HS3ST5: variants seen among roughly 807,000 people sequenced by gnomAD.
The protein encoded by HS3ST5 is heparan sulfate-glucosamine 3-sulfotransferase 5, also known as heparan sulfate glucosamine 3-O-sulfotransferase 5.
Under a neutral mutation model 25.4 loss-of-function variants are expected in HS3ST5, and 10 were observed. The observed-to-expected ratio is 0.39, with a 90% confidence interval of 0.24 to 0.67. HS3ST5 has a LOEUF of 0.67. HS3ST5 is among the 30% of genes least tolerant of loss of function. The pLI is 0.44. For missense variants in HS3ST5, 324 were observed against 420.7 expected (o/e 0.77, Z 2.01); for synonymous variants, 170 against 162.4 (o/e 1.05, Z -0.36).
intron 3 of HS3ST5, among the ~76,000 whole-genome samples, chr6:114,129,274 G>C (rs1275798334): frequency 1.7e-4 from 4 of 23,378 alleles, no homozygotes; most frequent in African/African-American, 5.4e-4. Context: ...TTTTTTTTTT[G>C]AGACGGAGTC....
At chr6:114,294,696 G>A (rs112370305) in intron 1 of HS3ST5, among the ~76,000 whole-genome samples, 4 of 152,232 alleles carry the variant, frequency 2.6e-5, no homozygotes, top group African/African-American at 9.6e-5. Flanking sequence ...GCCTCCCAAA[G>A]TGCTGGGATT....
intron 2 of HS3ST5, among the ~76,000 whole-genome samples, chr6:114,217,373 T>C (rs1381875398): frequency 1.3e-5 from 2 of 152,240 alleles, no homozygotes; most frequent in Non-Finnish European, 2.9e-5. Flanking sequence ...CAATCTCACT[T>C]GAATATTTTC....
intron 3 of HS3ST5, among the ~76,000 whole-genome samples, chr6:114,098,560 T>A (rs12663844): frequency 0.27 from 39,671 of 148,042 alleles, 6,276 homozygotes; most frequent in Admixed American, 0.39. Context: ...TAATATTAAA[T>A]TATATATTTG....
At chr6:114,215,774 C>T (rs1407143957) in intron 2 of HS3ST5, among the ~76,000 whole-genome samples, 2 of 152,170 alleles carry the variant, frequency 1.3e-5, no homozygotes, top group African/African-American at 2.4e-5. Context: ...TCTCAAATCA[C>T]TATGATATCT....
chr6:114,120,076 CA>C lies in HS3ST5; in HGVS notation c.-33+48274del, dbSNP rs1299303043. On this transcript the variant is annotated intron_variant, in intron 3 of 4. Coordinates refer to ENST00000312719, the MANE Select transcript of HS3ST5 (RefSeq NM_153612.4). ...AGGAGAATCACTTGAACCTGGGAGG[CA>C]GAGGTTGTAGTGAGCCGAGATCGTG... 2.8e-4 allele frequency among the ~76,000 whole-genome samples: 42 copies of C among 152,162 alleles called. No individual in the cohort carries two copies. The Middle Eastern group carries it at 0.01, about 37-fold the overall frequency.
At chr6:114,070,956 C>T (rs1208756815) in intron 3 of HS3ST5, among the ~76,000 whole-genome samples, 2 of 152,186 alleles carry the variant, frequency 1.3e-5, no homozygotes, top group African/African-American at 2.4e-5. Context: ...CCTACTGATG[C>T]CAGAGTAATC....
chr6:114,125,453 A>G (rs1353930337), intron 3 of HS3ST5, among the ~76,000 whole-genome samples: 1 of 152,250 alleles, frequency 6.6e-6, no homozygotes, highest in Non-Finnish European at 1.5e-5. Flanking sequence ...GAGTCATTGA[A>G]TTCTAGTAAA....
At position 114,342,477 on chromosome 6, in the gene HS3ST5, G is replaced by T. The variant is rs916811342; in HGVS notation, c.-621C>A. ...TCTGAGGCGGGGAGCCGGGCGGGGG[G>T]GCAGGCGGGCGAGAAGTAGTGGAGT... On this transcript the variant is annotated 5_prime_UTR_variant, in exon 1 of 5. Coordinates refer to ENST00000312719, the MANE Select transcript of HS3ST5 (RefSeq NM_153612.4). 3.3e-5 allele frequency: 6 copies of T among 180,570 alleles called. No individual in the cohort carries two copies. The highest frequency in any genetic ancestry group is 6.7e-5 in the Non-Finnish European group (6 of 90,100). 11.2% of individuals were successfully genotyped at this position (180,570 alleles called of 1,614,324 possible).
chr6:114,066,666 A>C (rs1773469209), intron 3 of HS3ST5, among the ~76,000 whole-genome samples: 1 of 152,176 alleles, frequency 6.6e-6, no homozygotes, highest in African/African-American at 2.4e-5. Flanking sequence ...AAACAACAAA[A>C]AAATTAGAAT....
Position 114,142,512 on chromosome 6 carries a change from G to A in HS3ST5, c.-33+25839C>T, listed in dbSNP as rs888306727. On this transcript the variant is annotated intron_variant, in intron 3 of 4. Coordinates refer to ENST00000312719, the MANE Select transcript of HS3ST5 (RefSeq NM_153612.4). ...GAGGGAGCAGTTACTGCGAGGGTGG[G>A]TGAGGATAACACAAGCCTTGTGAGC... Among the ~76,000 whole-genome samples the A allele has an allele frequency of 2.6e-5, 4 of 152,152 alleles. No homozygotes were observed. In the South Asian group the frequency reaches 6.2e-4, roughly 24 times the overall value.
chr6:114,322,188 C>G (rs182363973), intron 1 of HS3ST5, among the ~76,000 whole-genome samples: 5 of 152,076 alleles, frequency 3.3e-5, no homozygotes. Flanking sequence ...GTATTTCCTG[C>G]GCAACTGAAA....
chr6:114,068,898 A>G (rs900332501), intron 3 of HS3ST5, among the ~76,000 whole-genome samples: 1 of 152,216 alleles, frequency 6.6e-6, no homozygotes, highest in Non-Finnish European at 1.5e-5. Flanking sequence ...CAGACACGGT[A>G]TCTTGGCTGA....
intron 3 of HS3ST5, among the ~76,000 whole-genome samples, chr6:114,161,986 T>C (rs761791051): frequency 1.3e-4 from 20 of 152,062 alleles, no homozygotes; most frequent in Non-Finnish European, 2.6e-4. Flanking sequence ...AATTTAGAAA[T>C]CTAAATTAAT....
intron 1 of HS3ST5, among the ~76,000 whole-genome samples, chr6:114,270,304 T>C (rs1040017100): frequency 6.6e-6 from 1 of 152,170 alleles, no homozygotes; most frequent in East Asian, 1.9e-4. Flanking sequence ...ATCCACACCA[T>C]TATTTCAAAG....
chr6:114,084,627 G>T, intron 3 of HS3ST5: 1 of 822,252 alleles, frequency 1.2e-6, no homozygotes, highest in Non-Finnish European at 2.1e-6. Flanking sequence ...ATGCTAGGTA[G>T]GTTAACATAA....
chr6:114,069,592 C>T (rs1473861651), intron 3 of HS3ST5, among the ~76,000 whole-genome samples: 3 of 148,924 alleles, frequency 2.0e-5, no homozygotes, highest in Middle Eastern at 3.6e-3. Flanking sequence ...GATCTTGGCT[C>T]GCTGCAACCT....
At chr6:114,150,961 C>T (rs1778421081) in intron 3 of HS3ST5, among the ~76,000 whole-genome samples, 1 of 152,244 alleles carries the variant, frequency 6.6e-6, no homozygotes, top group Middle Eastern at 3.4e-3. Flanking sequence ...CCTTAATATC[C>T]TTTCACCTTG....
intron 1 of HS3ST5, among the ~76,000 whole-genome samples, chr6:114,291,178 C>T (rs1339545042): frequency 6.6e-6 from 1 of 152,066 alleles, no homozygotes; most frequent in Non-Finnish European, 1.5e-5. Context: ...CCACTTAGTA[C>T]AACTACTAGT....
At chr6:114,208,847 T>C (rs1781390722) in intron 2 of HS3ST5, among the ~76,000 whole-genome samples, 1 of 152,196 alleles carries the variant, frequency 6.6e-6, no homozygotes, top group Non-Finnish European at 1.5e-5. Flanking sequence ...TTGTTCATTG[T>C]AAATCATGAT....
Sources: allele counts gnomAD v4.1 joint callset (sites outside exome capture counted in the v4.1 genomes callset), GRCh38; gene constraint gnomAD v4.1.1; transcripts MANE v1.5; gene names NCBI Gene and HGNC (gene_info 2026-07-23, HGNC 2026-07-21).